Variants in NEK7 observed in about 807,000 individuals in gnomAD.
NEK7 encodes the protein serine/threonine-protein kinase Nek7.
In NEK7, 18 loss-of-function variants were observed where a neutral mutation model predicts 44.6. The observed-to-expected ratio is 0.40, with a 90% CI of 0.28 to 0.60. The LOEUF is 0.60. Among genes scored for constraint, NEK7 ranks in the 20% least tolerant of loss-of-function variants. NEK7 has a pLI of 0.38. For missense variants in NEK7, 256 were observed against 366.5 expected, an observed-to-expected ratio of 0.70 and a Z score of 2.46; for synonymous variants, 130 against 121.1, an observed-to-expected ratio of 1.07 and a Z score of -0.48.
intron 7 of NEK7, among the ~76,000 whole-genome samples, chr1:198,291,244 A>G (rs763017234): frequency 2.0e-5 from 3 of 152,166 alleles, no homozygotes; most frequent in Non-Finnish European, 4.4e-5. Flanking sequence ...CTCTCTGCAC[A>G]TTCCTCACTG....
At chr1:198,265,334 A>T (rs112410917) in intron 5 of NEK7, among the ~76,000 whole-genome samples, 4 of 152,288 alleles carry the variant, frequency 2.6e-5, no homozygotes, top group African/African-American at 7.2e-5. Context: ...TCTAGAAACA[A>T]ACAAGAATAA....
At chr1:198,243,031 A>C (rs1666734309) in intron 2 of NEK7, among the ~76,000 whole-genome samples, 1 of 152,058 alleles carries the variant, frequency 6.6e-6, no homozygotes, top group African/African-American at 2.4e-5. Flanking sequence ...ACCGTACTCC[A>C]GCCACAGTGT....
intron 1 of NEK7, among the ~76,000 whole-genome samples, chr1:198,202,758 G>A (rs993584772): frequency 6.6e-6 from 1 of 152,140 alleles, no homozygotes; most frequent in Admixed American, 6.5e-5. Flanking sequence ...TACCATGAGA[G>A]CAACATGGGG....
chr1:198,207,112 C>G (rs556566783), intron 1 of NEK7: 7 of 151,810 alleles, frequency 4.6e-5, no homozygotes, highest in African/African-American at 1.7e-4. Flanking sequence ...GATGAATTGA[C>G]GAAAATACAA....
chr1:198,173,379 T>C (rs1664508123), intron 1 of NEK7, among the ~76,000 whole-genome samples: 1 of 150,778 alleles, frequency 6.6e-6, no homozygotes, highest in African/African-American at 2.4e-5. Context: ...TAGTGAGCTA[T>C]GATTGTGCCA....
intron 1 of NEK7, among the ~76,000 whole-genome samples, chr1:198,209,520 T>G (rs1391562117): frequency 6.6e-6 from 1 of 152,228 alleles, no homozygotes; most frequent in African/African-American, 2.4e-5. Context: ...AATGTAATTT[T>G]GATAATGATA....
chr1:198,286,836 GCTGCC>G (rs1447993044), intron 7 of NEK7, among the ~76,000 whole-genome samples: 1 of 152,116 alleles, frequency 6.6e-6, no homozygotes, highest in Admixed American at 6.5e-5. Flanking sequence ...GCTTCTAGAG[GCTGCC>G]CTCATTCCTT....
intron 2 of NEK7, 48 bp from the exon 3 acceptor site, chr1:198,252,992 G>A (rs528781360): frequency 1.3e-6 from 2 of 1,509,118 alleles, no homozygotes; most frequent in South Asian, 2.4e-5. Flanking sequence ...TGTGTGTATT[G>A]CGTGTATATT....
At chr1:198,284,098 C>T (rs952194780) in intron 7 of NEK7, among the ~76,000 whole-genome samples, 12 of 152,076 alleles carry the variant, frequency 7.9e-5, no homozygotes, top group African/African-American at 2.9e-4. Context: ...TTACAGTTTG[C>T]AAATCATTCA....
At chr1:198,253,298 G>C (rs1282231210) in intron 3 of NEK7, 118 bp downstream of exon 3, 4 of 626,180 alleles carry the variant, frequency 6.4e-6, no homozygotes, top group Non-Finnish European at 1.0e-5. Context: ...TGCTGGGAAA[G>C]ATTGAACGTT....
intron 9 of NEK7, among the ~76,000 whole-genome samples, chr1:198,314,538 T>C (rs1291381118): frequency 1.3e-5 from 2 of 152,190 alleles, no homozygotes; most frequent in Non-Finnish European, 2.9e-5. Context: ...GTTTTTCTGC[T>C]CTGTTTTTTC....
intron 1 of NEK7, among the ~76,000 whole-genome samples, chr1:198,222,884 G>C (rs902894216): frequency 6.6e-6 from 1 of 151,944 alleles, no homozygotes; most frequent in Non-Finnish European, 1.5e-5. Context: ...AGCGGGGGGT[G>C]GGGGTGGATG....
chr1:198,315,295 C>A (rs993862832), intron 9 of NEK7, among the ~76,000 whole-genome samples: 1 of 152,190 alleles, frequency 6.6e-6, no homozygotes, highest in South Asian at 2.1e-4. Flanking sequence ...TGCTTCGGCT[C>A]GCGCATGGTG....
At chr1:198,295,285 AAG>A (rs1654680236) in intron 8 of NEK7, among the ~76,000 whole-genome samples, 1 of 152,152 alleles carries the variant, frequency 6.6e-6, no homozygotes, top group African/African-American at 2.4e-5. Flanking sequence ...TTCAAAAAAA[AAG>A]AGAGCTGCCA....
chr1:198,279,931 A>C lies in NEK7; in HGVS notation c.589+870A>C, dbSNP rs532204618. On this transcript the variant is annotated intron_variant, in intron 7 of 9. Coordinates refer to ENST00000367385, the MANE Select transcript of NEK7 (RefSeq NM_133494.3). The stretch of plus-strand genomic sequence containing the variant: ...TAAAACGTAAGTAGGTACTCAATTA[A>C]TATTTGCTGAATTACAAAATATTGT... Among the ~76,000 whole-genome samples, 5 of 152,138 alleles carry C rather than the reference A, an allele frequency of 3.3e-5. No individual in the cohort carries two copies. The South Asian group carries it at 1.0e-3, about 32-fold the overall frequency.
At chr1:198,214,573 G>A (rs1376429271) in intron 1 of NEK7, among the ~76,000 whole-genome samples, 1 of 152,094 alleles carries the variant, frequency 6.6e-6, no homozygotes, top group Non-Finnish European at 1.5e-5. Flanking sequence ...ATCAAGTAGA[G>A]GAAAGAATTA....
intron 1 of NEK7, among the ~76,000 whole-genome samples, chr1:198,188,068 T>C (rs779989033): frequency 2.0e-5 from 3 of 152,204 alleles, no homozygotes; most frequent in Non-Finnish European, 4.4e-5. Flanking sequence ...TTTTGGGTGC[T>C]GATCCCATCT....
chr1:198,286,671 A>T (rs1227076145), intron 7 of NEK7, among the ~76,000 whole-genome samples: 1 of 152,250 alleles, frequency 6.6e-6, no homozygotes, highest in Non-Finnish European at 1.5e-5. Context: ...ATATGACTCT[A>T]ACCAGGCTAA....
intron 1 of NEK7, among the ~76,000 whole-genome samples, chr1:198,163,908 T>C (rs1664184163): frequency 6.6e-6 from 1 of 152,202 alleles, no homozygotes; most frequent in Non-Finnish European, 1.5e-5. Context: ...GAATGACATA[T>C]TGTTTTCACC....
Sources: allele counts gnomAD v4.1 joint callset (sites outside exome capture counted in the v4.1 genomes callset), GRCh38; gene constraint gnomAD v4.1.1; transcripts MANE v1.5; gene names NCBI Gene and HGNC (gene_info 2026-07-23, HGNC 2026-07-21).